NLRP7: variants seen among roughly 807,000 people sequenced by gnomAD.
The protein encoded by NLRP7 is NLR family pyrin domain containing 7.
In NLRP7, 72 loss-of-function variants were observed where a neutral mutation model predicts 85.5. The observed-to-expected ratio is 0.84, with a 90% CI of 0.70 to 1.02. The LOEUF (loss-of-function observed/expected upper bound fraction) is 1.02, where lower values mean the gene tolerates loss of function less well. NLRP7 is among the 50% of genes least tolerant of loss of function. NLRP7 has a pLI of 0.00. For synonymous variants in NLRP7, 550 were observed against 505.2 expected (o/e 1.09, Z -1.19); for missense variants, 1,243 against 1,219.5 (o/e 1.02, Z -0.29).
chr19:54,940,106 A>G, exon 4 of NLRP7: 1 of 1,614,180 alleles, frequency 6.2e-7, no homozygotes, highest in Non-Finnish European at 8.5e-7. Flanking sequence ...GATGCTTGGA[A>G]TGTCATCCTG....
rs1232780493 is a variant in NLRP7, at chr19:54,934,699, A to G, written c.2301-40T>C. 4 of 1,543,800 alleles carry G rather than the reference A, an allele frequency of 2.6e-6. No homozygotes were observed. Among genetic ancestry groups the G allele is most frequent in the African/African-American group, 1.4e-5 (1 of 72,576 alleles). On this transcript the variant is annotated intron_variant, in intron 6 of 9. Transcript: ENST00000340844. This position sits in a 1 kb window ranked among gnomAD's most constrained non-coding sequence, Gnocchi z 6.7. ...GGAAAAGTCATTCTTCTGGGAGGAC[A>G]GAGTATACCCTATCAGCTTTTTTTT...
At position 54,940,450 on chromosome 19, in the gene NLRP7, C is replaced by T. The variant is rs2069174370; in HGVS notation, c.369G>A (p.Trp123Ter). ...AAGACTGTTTCTCCATTGAATTTCTCCATCCTTCCTTTTCACCTGCAGTGA... is the reference window on the plus strand; with the variant it reads ...AAGACTGTTTCTCCATTGAATTTCTTCATCCTTCCTTTTCACCTGCAGTGA... Residue 123 changes from tryptophan (W) to a stop codon, truncating the protein, a stop_gained, in exon 4 of 10, where the codon TGG (tryptophan) becomes TGA (stop). Coordinates refer to ENST00000340844, the Ensembl canonical transcript of NLRP7. LOFTEE classifies it high-confidence loss of function. 6.2e-7 allele frequency: 1 copy of T among 1,613,844 alleles called. No individual in the cohort carries two copies. The highest frequency in any genetic ancestry group is 1.1e-5 in the South Asian group (1 of 91,088).
At chr19:54,956,138 AGGAAGGAG>A (rs376708977) in intron 1 of NLRP7, among the ~76,000 whole-genome samples, 161 of 137,568 alleles carry the variant, frequency 1.2e-3, no homozygotes, top group African/African-American at 2.6e-3. Context: ...AGAGAAAGGA[AGGAAGGAG>A]GGAAGGAGGG....
Position 54,940,393 on chromosome 19 carries a change from GTC to G in NLRP7, c.424_425del (p.Asp142HisfsTer2). On this transcript the variant is annotated frameshift_variant, in exon 4 of 10. Transcript: ENST00000340844. LOFTEE classifies it high-confidence loss of function. ...TGACGTCGTCATGGAAATTGTCAATGTCTCCTTGCCAAAAGGTGTTCTTCCAG... is the reference window on the plus strand; with the variant it reads ...TGACGTCGTCATGGAAATTGTCAATGTCCTTGCCAAAAGGTGTTCTTCCAG... 6.2e-7 allele frequency: 1 copy of G among 1,614,064 alleles called. No individual in the cohort carries two copies. The highest frequency in any genetic ancestry group is 8.5e-7 in the Non-Finnish European group (1 of 1,179,920).
At chr19:54,961,810 T>C (rs2070051709) in intron 1 of NLRP7, among the ~76,000 whole-genome samples, 1 of 143,874 alleles carries the variant, frequency 7.0e-6, no homozygotes, top group Non-Finnish European at 1.5e-5. Flanking sequence ...AGAGTCTGTC[T>C]CAAAAAGGAA....
Position 54,934,599 on chromosome 19 carries a change from G to A in NLRP7, c.2361C>T (p.Ala787=), listed in dbSNP as rs773367585. 45 of 1,614,114 alleles carry A rather than the reference G, an allele frequency of 2.8e-5. No homozygotes were observed. The highest frequency in any genetic ancestry group is 3.8e-5 in the Non-Finnish European group (45 of 1,179,994). Residue 787 remains alanine, a synonymous_variant, in exon 7 of 10, where the codon GCC becomes GCT. Coordinates refer to ENST00000340844, the Ensembl canonical transcript of NLRP7. This position sits in a 1 kb window ranked among gnomAD's most constrained non-coding sequence, Gnocchi z 6.7. ...GACGCAGGTGCTTCAGGGACTGGTT[G>A]GCTTTGAGGACATAGAAGAATTCAG...
intron 8 of NLRP7, among the ~76,000 whole-genome samples, chr19:54,931,844 T>TAA (rs10647956): frequency 0.02 from 2,158 of 108,326 alleles, 52 homozygotes; most frequent in African/African-American, 0.075. Context: ...GAGAGACTGT[T>TAA]AAAAAAAAAA....
At chr19:54,933,683 A>G (rs375522410) in exon 8 of NLRP7, 1 of 1,614,052 alleles carries the variant, frequency 6.2e-7, no homozygotes, top group Non-Finnish European at 8.5e-7. Flanking sequence ...CTTGCTGACA[A>G]CCAAGACAGC....
At chr19:54,953,529 T>TCA (rs1278638777) in intron 1 of NLRP7, among the ~76,000 whole-genome samples, 12 of 149,320 alleles carry the variant, frequency 8.0e-5, no homozygotes, top group African/African-American at 3.1e-4. Context: ...CGCCGGGCTG[T>TCA]CTGCTTGTGG....
intron 1 of NLRP7, among the ~76,000 whole-genome samples, chr19:54,962,742 G>A (rs2146290431): frequency 6.6e-6 from 1 of 151,328 alleles, no homozygotes; most frequent in South Asian, 2.1e-4. Flanking sequence ...TGGGACTACA[G>A]GCGCCCGCCA....
chr19:54,947,152 C>A (rs1009574873), intron 1 of NLRP7, among the ~76,000 whole-genome samples: 5 of 151,976 alleles, frequency 3.3e-5, no homozygotes, highest in South Asian at 2.1e-4. Flanking sequence ...TGGTGAGACC[C>A]CGTCTCTACT....
intron 9 of NLRP7, among the ~76,000 whole-genome samples, chr19:54,924,649 A>G (rs2365582): frequency 0.12 from 18,039 of 151,812 alleles, 1,364 homozygotes; most frequent in East Asian, 0.32. Context: ...AAAATAGATA[A>G]TCAGGCTGGT....
chr19:54,937,343 A>C (rs1465493158), intron 5 of NLRP7, among the ~76,000 whole-genome samples: 1 of 151,964 alleles, frequency 6.6e-6, no homozygotes, highest in African/African-American at 2.4e-5. Flanking sequence ...CTGTGTAACT[A>C]ACCTGTACTT....
chr19:54,940,536 A>G, intron 3 of NLRP7, 70 bp from the exon 4 acceptor site: 3 of 1,550,298 alleles, frequency 1.9e-6, no homozygotes, highest in Non-Finnish European at 2.7e-6. Context: ...GTCAAGTACC[A>G]GAAATGAGGG....
chr19:54,964,735 G>A (rs1251736639), intron 1 of NLRP7, among the ~76,000 whole-genome samples: 2 of 143,880 alleles, frequency 1.4e-5, no homozygotes, highest in African/African-American at 5.1e-5. Flanking sequence ...CTGAGGCAGG[G>A]GAATCACTTG....
chr19:54,936,472 A>C (rs4806626), intron 5 of NLRP7, 41 bp from the exon 6 acceptor site: 356,870 of 1,527,884 alleles, frequency 0.23, 42,739 homozygotes, highest in Admixed American at 0.31. Flanking sequence ...AGTGATTAAT[A>C]CTCACATTGT....
chr19:54,935,162 G>A, intron 6 of NLRP7, among the ~76,000 whole-genome samples: 1 of 152,034 alleles, frequency 6.6e-6, no homozygotes, highest in East Asian at 1.9e-4. Flanking sequence ...ACTTCTCCAA[G>A]AGATTGTAAT....
intron 9 of NLRP7, among the ~76,000 whole-genome samples, chr19:54,928,803 T>C (rs1185991823): frequency 9.5e-6 from 1 of 105,664 alleles, no homozygotes; most frequent in African/African-American, 3.3e-5. Flanking sequence ...GTAGAAGCCT[T>C]TGGTTTTGTT....
intron 1 of NLRP7, among the ~76,000 whole-genome samples, chr19:54,958,499 G>T (rs1016883287): frequency 6.6e-6 from 1 of 151,048 alleles, no homozygotes; most frequent in African/African-American, 2.5e-5. Flanking sequence ...AAGTTAGCTA[G>T]CTGGGCATAG....
Sources: gnomAD v4.1 joint callset for allele counts (sites outside exome capture counted in the v4.1 genomes callset) on GRCh38, gnomAD v4.1.1 for gene constraint, Gnocchi (gnomAD v3.1) non-coding constraint, MANE v1.5 for transcripts, NCBI Gene and HGNC (gene_info 2026-07-23, HGNC 2026-07-21) for gene names.